Variants in NGEF observed in about 807,000 individuals in gnomAD.
NGEF encodes neuronal guanine nucleotide exchange factor.
A neutral mutation model predicts 80.9 loss-of-function variants in NGEF; 31 were observed. The observed-to-expected ratio is 0.38, with a 90% confidence interval of 0.29 to 0.52. NGEF has a LOEUF of 0.52. Among genes scored for constraint, NGEF ranks in the 20% least tolerant of loss-of-function variants. The pLI, the probability that NGEF is intolerant of heterozygous loss-of-function variation, is 0.84. For synonymous variants in NGEF, 371 were observed against 370.2 expected (o/e 1.00, Z -0.03); for missense variants, 709 against 926.2 (o/e 0.77, Z 3.04).
At chr2:232,977,960 C>T (rs1316947797) in intron 1 of NGEF, among the ~76,000 whole-genome samples, 1 of 152,168 alleles carries the variant, frequency 6.6e-6, no homozygotes, top group African/African-American at 2.4e-5. Context: ...CGGAATGCCA[C>T]TCCTGGTCTG....
At chr2:232,917,040 C>T (rs568468890) in intron 5 of NGEF, among the ~76,000 whole-genome samples, 1 of 152,350 alleles carries the variant, frequency 6.6e-6, no homozygotes, top group African/African-American at 2.4e-5. Context: ...CACTTGCATT[C>T]CTCGAACTTA....
chr2:232,948,562 G>T (rs1693610466), intron 3 of NGEF, among the ~76,000 whole-genome samples: 1 of 152,122 alleles, frequency 6.6e-6, no homozygotes, highest in South Asian at 2.1e-4. Flanking sequence ...CAACATGCGA[G>T]GAGTTAATAG....
At chr2:232,962,268 G>C (rs1444729222) in intron 3 of NGEF, among the ~76,000 whole-genome samples, 2 of 152,232 alleles carry the variant, frequency 1.3e-5, no homozygotes, top group Non-Finnish European at 2.9e-5. Context: ...TGGGTGCAGT[G>C]GCTCATGCCT....
At chr2:232,920,150 G>T in intron 5 of NGEF, 134 bp downstream of exon 5, 1 of 818,490 alleles carries the variant, frequency 1.2e-6, no homozygotes, top group Non-Finnish European at 1.9e-6. Context: ...GCATGTTCTA[G>T]ATGGACAACC....
intron 5 of NGEF, among the ~76,000 whole-genome samples, chr2:232,906,001 G>A (rs1418010903): frequency 6.4e-4 from 79 of 123,426 alleles, no homozygotes; most frequent in African/African-American, 2.3e-3. Flanking sequence ...CCGGCCAGCC[G>A]CCCCGTCCGG....
chr2:232,972,306 T>C (rs1016703505), intron 2 of NGEF, among the ~76,000 whole-genome samples: 18 of 152,374 alleles, frequency 1.2e-4, no homozygotes, highest in African/African-American at 3.8e-4. Flanking sequence ...ATTTCATCGA[T>C]ATTTTTTATG....
chr2:232,954,068 A>G (rs1364283706), intron 3 of NGEF, among the ~76,000 whole-genome samples: 3 of 152,204 alleles, frequency 2.0e-5, no homozygotes, highest in Admixed American at 6.5e-5. Context: ...ACAGAGCCGA[A>G]TGTCTACCGA....
chr2:232,941,098 C>T (rs1040942074), intron 3 of NGEF, among the ~76,000 whole-genome samples: 3 of 152,050 alleles, frequency 2.0e-5, no homozygotes, highest in African/African-American at 4.8e-5. Flanking sequence ...GCCAATGAGC[C>T]AAGGGTGCTG....
intron 5 of NGEF, among the ~76,000 whole-genome samples, chr2:232,911,029 A>T (rs959329102): frequency 1.3e-5 from 2 of 152,066 alleles, no homozygotes; most frequent in African/African-American, 4.8e-5. Flanking sequence ...TTTTTTGTTT[A>T]TGCATGATTG....
rs201419563 is a variant in NGEF, at chr2:232,970,276, G to C, written c.321C>G (p.Pro107=). 66 of 1,606,092 alleles carry C rather than the reference G, an allele frequency of 4.1e-5. No individual in the cohort carries two copies. The Admixed American group carries it at 1.1e-3, about 27-fold the overall frequency. Residue 107 remains proline (P), a synonymous_variant, in exon 3 of 15, where the codon CCC becomes CCG. Coordinates refer to ENST00000264051, the MANE Select transcript of NGEF (RefSeq NM_019850.3). ...TTCTGCAAGGAGGCATTCTGCTCCA[G>C]GGGATATTCAAGGTCAGGGGCTCAT... ...SVNEPLTLNI[P]WSRMPPCRTA...
intron 5 of NGEF, among the ~76,000 whole-genome samples, chr2:232,907,188 GAA>G (rs10654316): frequency 6.2e-5 from 7 of 113,160 alleles, no homozygotes; most frequent in African/African-American, 1.3e-4. Flanking sequence ...AGAAAAAAAA[GAA>G]AAAAAAAAAA....
At position 232,970,346 on chromosome 2, in the gene NGEF, T is replaced by G. The variant is rs1457954056; in HGVS notation, c.269-18A>C. 8.6e-6 allele frequency: 13 copies of G among 1,506,400 alleles called. No individual in the cohort carries two copies. The highest frequency in any genetic ancestry group is 1.4e-5 in the African/African-American group (1 of 71,420). 93.3% of individuals were successfully genotyped at this position (1,506,400 alleles called of 1,614,324 possible). A position where few individuals can be genotyped will look rare whatever the true frequency, so the allele number is the denominator to read the frequency against. ...CTGTGAATCTGTGACAATTCAGAAA[T>G]GGAGCAAGTTAGAAGATACAGATCA... is the stretch of plus-strand genomic sequence containing the variant. On this transcript the variant is annotated intron_variant, in intron 2 of 14. Coordinates refer to ENST00000264051, the MANE Select transcript of NGEF (RefSeq NM_019850.3).
At position 232,900,319 on chromosome 2, in the gene NGEF, TTCAC is replaced by T. The variant is rs1471995633; in HGVS notation, c.829-5407_829-5404del. 8.6e-5 allele frequency among the ~76,000 whole-genome samples: 5 copies of T among 57,820 alleles called. 1 individual carries two copies. Among genetic ancestry groups the T allele is most frequent in the African/African-American group, 1.7e-4 (2 of 11,536 alleles). The allele number at this position is 57,820 out of a possible 152,430, so 37.9% of individuals were successfully genotyped here. A position where few individuals can be genotyped will look rare whatever the true frequency, so the allele number is the denominator to read the frequency against. The stretch of plus-strand genomic sequence containing the variant: ...TCACTCATATACACGTTCACTCACA[TTCAC>T]TCACACACGCTCTCACAGTCACTCA... On this transcript the variant is annotated intron_variant, in intron 5 of 14. Transcript: ENST00000264051.
chr2:232,911,892 G>A (rs1031640056), intron 5 of NGEF, among the ~76,000 whole-genome samples: 1 of 152,070 alleles, frequency 6.6e-6, no homozygotes, highest in Non-Finnish European at 1.5e-5. Context: ...GTTCTAAGAG[G>A]TTTTTTTGGT....
chr2:232,887,324 C>T (rs887770538), intron 9 of NGEF, among the ~76,000 whole-genome samples: 12 of 152,102 alleles, frequency 7.9e-5, no homozygotes, highest in South Asian at 2.1e-4. Context: ...TGGCCCTTCC[C>T]GCAAAACCCC....
At chr2:232,920,734 G>A (rs193051232) in intron 4 of NGEF, 149 bp from the exon 5 acceptor site, 118 of 575,966 alleles carry the variant, frequency 2.0e-4, no homozygotes, top group African/African-American at 2.0e-3. Context: ...CCATCTCAGC[G>A]GCAGGCTCCA....
chr2:232,975,089 C>A, intron 1 of NGEF, 125 bp from the exon 2 acceptor site: 1 of 573,912 alleles, frequency 1.7e-6, no homozygotes, highest in Non-Finnish European at 3.0e-6. Flanking sequence ...CTGGTATCCA[C>A]GTCTTCGCCA....
chr2:233,004,932 C>A (rs1012630689), intron 1 of NGEF, among the ~76,000 whole-genome samples: 1 of 151,826 alleles, frequency 6.6e-6, no homozygotes, highest in African/African-American at 2.4e-5. Context: ...ATCCATGTAA[C>A]AAAACTGCAC....
intron 1 of NGEF, among the ~76,000 whole-genome samples, chr2:232,996,423 G>A (rs924682143): frequency 3.3e-5 from 5 of 152,152 alleles, no homozygotes; most frequent in South Asian, 2.1e-4. Flanking sequence ...GATTTCTACC[G>A]AGGGCTGTTA....
Sources: gnomAD v4.1 joint callset for allele counts (sites outside exome capture counted in the v4.1 genomes callset) on GRCh38, gnomAD v4.1.1 for gene constraint, MANE v1.5 for transcripts, NCBI Gene and HGNC (gene_info 2026-07-23, HGNC 2026-07-21) for gene names.